Variants in TRPS1 observed in about 807,000 individuals in gnomAD.
The protein encoded by TRPS1 is transcriptional repressor GATA binding 1.
Under a neutral mutation model 101.2 loss-of-function variants are expected in TRPS1, and 6 were observed. That is an observed-to-expected ratio of 0.06 (90% CI 0.03 to 0.12). The LOEUF (loss-of-function observed/expected upper bound fraction) is 0.12. Ranked by LOEUF, TRPS1 falls within the 10% of genes least tolerant of loss-of-function variation. TRPS1 has a pLI of 1.00. For synonymous variants in TRPS1, 578 were observed against 589.8 expected, an observed-to-expected ratio of 0.98 and a Z score of 0.29; for missense variants, 1,363 against 1,567.0, an observed-to-expected ratio of 0.87 and a Z score of 2.20.
At chr8:115,609,557 A>G (rs766856051) in intron 3 of TRPS1, among the ~76,000 whole-genome samples, 3 of 152,182 alleles carry the variant, frequency 2.0e-5, no homozygotes, top group Non-Finnish European at 2.9e-5. Context: ...CGCTGGCCAC[A>G]GTACTTCATG....
Position 115,619,449 on chromosome 8 carries a change from A to C in TRPS1, c.649T>G (p.Leu217Val). ...GGGTCTGGGTTGTCATTCACCAGTA[A>C]GTCAGTTTTGGATTTATTCAGTCTT... ...GVRLNKSKTD[L>V]LVNDNPDPAP... is the part of the protein sequence containing the mutation. Residue 217 changes from leucine to valine, a missense_variant, in exon 3 of 7, where the codon TTA becomes GTA. Around this residue, in one of 5 missense-constraint regions of TRPS1, gnomAD observed 1,020 missense variants for 1,073.0 expected, o/e 0.95. Transcript: ENST00000395715. 1 of 1,614,156 alleles carries C rather than the reference A, an allele frequency of 6.2e-7. No individual in the cohort carries two copies. The highest frequency in any genetic ancestry group is 8.5e-7 in the Non-Finnish European group (1 of 1,180,034).
At chr8:115,498,409 C>CTATATA (rs1815212488) in intron 5 of TRPS1, among the ~76,000 whole-genome samples, 1 of 80,956 alleles carries the variant, frequency 1.2e-5, no homozygotes, top group Non-Finnish European at 2.2e-5. Flanking sequence ...CTCTCTCTCT[C>CTATATA]TCTCTCTATA....
At chr8:115,442,407 T>A (rs190724625) in intron 5 of TRPS1, among the ~76,000 whole-genome samples, 1 of 152,128 alleles carries the variant, frequency 6.6e-6, no homozygotes, top group Non-Finnish European at 1.5e-5. Flanking sequence ...GCAGTGAGGT[T>A]GATACTACTT....
chr8:115,557,994 T>C (rs1816863448), intron 5 of TRPS1, among the ~76,000 whole-genome samples: 1 of 152,012 alleles, frequency 6.6e-6, no homozygotes, highest in Non-Finnish European at 1.5e-5. Context: ...TATGAGGTGA[T>C]GTGTTCTTAA....
intron 5 of TRPS1, among the ~76,000 whole-genome samples, chr8:115,453,201 A>C (rs1813924838): frequency 6.6e-6 from 1 of 152,026 alleles, no homozygotes; most frequent in Admixed American, 6.6e-5. Context: ...TTGTATTTTT[A>C]GTAGAGACGG....
intron 5 of TRPS1, among the ~76,000 whole-genome samples, chr8:115,451,094 ATGACG>A (rs1813859739): frequency 6.6e-6 from 1 of 152,210 alleles, no homozygotes; most frequent in Non-Finnish European, 1.5e-5. Flanking sequence ...ATTTACAAAG[ATGACG>A]TGACATAATA....
chr8:115,603,251 T>A (rs1817950025), intron 4 of TRPS1, among the ~76,000 whole-genome samples: 2 of 152,172 alleles, frequency 1.3e-5, no homozygotes, highest in Non-Finnish European at 1.5e-5. Flanking sequence ...ACTTCCCACA[T>A]CCATTTAAGA....
intron 5 of TRPS1, among the ~76,000 whole-genome samples, chr8:115,530,976 T>C (rs1816115904): frequency 6.6e-6 from 1 of 152,108 alleles, no homozygotes; most frequent in South Asian, 2.1e-4. Flanking sequence ...ATATACCTAA[T>C]GTAAATGACG....
At chr8:115,426,960 T>C (rs1813202268) in intron 5 of TRPS1, among the ~76,000 whole-genome samples, 1 of 152,106 alleles carries the variant, frequency 6.6e-6, no homozygotes, top group South Asian at 2.1e-4. Flanking sequence ...CTAGGCAATA[T>C]GACAGGATCA....
chr8:115,434,963 C>G (rs995490646), intron 5 of TRPS1, among the ~76,000 whole-genome samples: 1 of 152,160 alleles, frequency 6.6e-6, no homozygotes, highest in Non-Finnish European at 1.5e-5. Context: ...CCACAAAATC[C>G]AAAACCTTTC....
chr8:115,646,991 T>C (rs538055609), intron 1 of TRPS1, among the ~76,000 whole-genome samples: 5 of 146,352 alleles, frequency 3.4e-5, no homozygotes, highest in African/African-American at 1.2e-4. Flanking sequence ...GGATCTAAAC[T>C]TCCTTATGTT....
intron 1 of TRPS1, chr8:115,667,952 G>GGCC: frequency 6.6e-7 from 1 of 1,523,364 alleles, no homozygotes; most frequent in Non-Finnish European, 8.8e-7. Flanking sequence ...CGGCGGCGGC[G>GGCC]GCCCCTCGGG....
intron 3 of TRPS1, among the ~76,000 whole-genome samples, chr8:115,608,874 C>T (rs944646289): frequency 1.4e-5 from 2 of 147,706 alleles, no homozygotes; most frequent in Non-Finnish European, 2.9e-5. Context: ...GAGGCAGGGT[C>T]TCAGTCTGTC....
intron 1 of TRPS1, among the ~76,000 whole-genome samples, chr8:115,658,502 AGAAG>A (rs1048723330): frequency 2.0e-5 from 3 of 151,950 alleles, no homozygotes; most frequent in African/African-American, 7.3e-5. Context: ...TCTCTTTTAA[AGAAG>A]GAACTGAAAA....
In TRPS1 at chr8:115,619,682, T is replaced by G; in HGVS notation, c.416A>C (p.Lys139Thr). ...ATCTGCCTCTGCTCTTTGCGGAGACTTCAAGGGCTCACAGACTCCCCCAGC... is the reference window on the plus strand; with the variant it reads ...ATCTGCCTCTGCTCTTTGCGGAGACGTCAAGGGCTCACAGACTCCCCCAGC... ...PAAGGVCEPLKSPQRAEADDP... is the reference protein window; with the variant it reads ...PAAGGVCEPLTSPQRAEADDP... The change falls in exon 3 of 7, where the codon AAG becomes ACG. Residue 139 changes from lysine to threonine, a missense_variant. Lys to Thr is a moderately conservative substitution (Grantham distance 78, BLOSUM62 -1). Transcript: ENST00000395715. The G allele has an allele frequency of 6.2e-7, 1 of 1,614,198 alleles. No homozygotes were observed. The highest frequency in any genetic ancestry group is 8.5e-7 in the Non-Finnish European group (1 of 1,180,034).
chr8:115,418,250 G>C lies in TRPS1; in HGVS notation c.2823+80C>G. 1 of 1,612,002 alleles carries C rather than the reference G, an allele frequency of 6.2e-7. No individual in the cohort carries two copies. The highest frequency in any genetic ancestry group is 1.3e-5 in the African/African-American group (1 of 75,010). ...TGCGGGGGCAGGCACTGCAAGCCAG[G>C]GAATGGGACTTATCACACCACAGAC... On this transcript the variant is annotated intron_variant, in intron 6 of 6. Coordinates refer to ENST00000395715, the MANE Select transcript of TRPS1 (RefSeq NM_014112.5). This position sits in a 1 kb window ranked among gnomAD's most constrained non-coding sequence, Gnocchi z 4.3.
chr8:115,614,938 T>C (rs1316581826), intron 3 of TRPS1, among the ~76,000 whole-genome samples: 2 of 152,190 alleles, frequency 1.3e-5, no homozygotes, highest in African/African-American at 4.8e-5. Context: ...TATAAACTCA[T>C]ACAATTAAAT....
chr8:115,496,892 TA>T (rs1815161723), intron 5 of TRPS1, among the ~76,000 whole-genome samples: 1 of 152,242 alleles, frequency 6.6e-6, no homozygotes, highest in African/African-American at 2.4e-5. Context: ...AAACTATTTT[TA>T]CTCTTATACA....
intron 5 of TRPS1, among the ~76,000 whole-genome samples, chr8:115,577,456 A>T (rs1012188729): frequency 1.1e-4 from 16 of 152,142 alleles, no homozygotes; most frequent in Admixed American, 5.9e-4. Flanking sequence ...AAATTTTCAT[A>T]AAAAATAATA....
Sources: gnomAD v4.1 joint callset for allele counts (sites outside exome capture counted in the v4.1 genomes callset) on GRCh38, gnomAD v4.1.1 for gene constraint, gnomAD v4.1.1 regional missense constraint, Gnocchi (gnomAD v3.1) non-coding constraint, MANE v1.5 for transcripts, NCBI Gene and HGNC (gene_info 2026-07-23, HGNC 2026-07-21) for gene names.